Variants in PTPRD observed in about 807,000 individuals in gnomAD.
The protein encoded by PTPRD is protein tyrosine phosphatase receptor type D, also known as receptor-type tyrosine-protein phosphatase delta.
A neutral mutation model predicts 214.5 loss-of-function variants in PTPRD; 34 were observed. That is an observed-to-expected ratio of 0.16 (90% CI 0.12 to 0.21). The LOEUF is 0.21. Among genes scored for constraint, PTPRD ranks in the 10% least tolerant of loss-of-function variants. PTPRD has a pLI of 1.00. For missense variants in PTPRD, 2,545 were observed against 2,398.7 expected, an observed-to-expected ratio of 1.06 and a Z score of -1.27; for synonymous variants, 1,128 against 845.7, an observed-to-expected ratio of 1.33 and a Z score of -5.79.
intron 4 of PTPRD, among the ~76,000 whole-genome samples, chr9:9,982,863 A>C (rs931552398): frequency 6.6e-6 from 1 of 152,158 alleles, no homozygotes; most frequent in African/African-American, 2.4e-5. Flanking sequence ...CTTCCTCACA[A>C]ATCAAGCCTG....
intron 3 of PTPRD, among the ~76,000 whole-genome samples, chr9:10,049,899 G>T (rs1284679542): frequency 6.6e-6 from 1 of 152,076 alleles, no homozygotes; most frequent in African/African-American, 2.4e-5. Flanking sequence ...TTTCATTGTA[G>T]GGTAGCATGA....
rs147865207 is a variant in PTPRD, at chr9:8,399,320, A to G, written c.4210+5217T>C. On this transcript the variant is annotated intron_variant, in intron 36 of 45. Coordinates refer to ENST00000381196, the MANE Select transcript of PTPRD (RefSeq NM_002839.4). ...GAGAATGGGCTTGCAAAGAGATTGT[A>G]TATGCATGAACTTTCTGAAATTAGT... 1.7e-3 allele frequency among the ~76,000 whole-genome samples: 254 copies of G among 152,254 alleles called. 1 individual carries two copies. The highest frequency in any genetic ancestry group is 5.9e-3 in the African/African-American group (245 of 41,558).
chr9:9,663,033 CCTAT>C (rs1041250258), intron 7 of PTPRD, among the ~76,000 whole-genome samples: 39 of 151,550 alleles, frequency 2.6e-4, no homozygotes, highest in African/African-American at 9.4e-4. Flanking sequence ...CATTATGATT[CCTAT>C]CTAATTTTGA....
At chr9:10,012,373 C>T (rs1407063021) in intron 4 of PTPRD, among the ~76,000 whole-genome samples, 5 of 151,900 alleles carry the variant, frequency 3.3e-5, no homozygotes, top group African/African-American at 9.6e-5. Context: ...AAAAAAAAAT[C>T]GTGTTTTCCA....
chr9:9,439,104 T>C (rs7855246), intron 8 of PTPRD, among the ~76,000 whole-genome samples: 92,293 of 151,912 alleles, frequency 0.61, 28,122 homozygotes, highest in Middle Eastern at 0.67. Context: ...ATTCATAAAG[T>C]AGTATAAAGT....
chr9:9,354,743 TA>T (rs2053035203), intron 9 of PTPRD, among the ~76,000 whole-genome samples: 1 of 151,720 alleles, frequency 6.6e-6, no homozygotes, highest in Non-Finnish European at 1.5e-5. Context: ...AGGGATTAGG[TA>T]AGTAAGATAG....
chr9:9,512,753 A>C (rs548687593), intron 8 of PTPRD, among the ~76,000 whole-genome samples: 1 of 151,814 alleles, frequency 6.6e-6, no homozygotes, highest in South Asian at 2.1e-4. Context: ...CCACAGGGAT[A>C]ATTTGACTGG....
chr9:9,152,697 A>G (rs2099877875), intron 10 of PTPRD, among the ~76,000 whole-genome samples: 3 of 152,264 alleles, frequency 2.0e-5, no homozygotes, highest in Admixed American at 2.0e-4. Flanking sequence ...AAAGAGGCTG[A>G]TCTCATTTGT....
intron 14 of PTPRD, among the ~76,000 whole-genome samples, chr9:8,606,333 C>G (rs2095212190): frequency 6.6e-6 from 1 of 152,108 alleles, no homozygotes; most frequent in South Asian, 2.1e-4. Context: ...AGGAAGATCA[C>G]AGTCTAGTCC....
chr9:9,195,630 G>T (rs189638065), intron 9 of PTPRD, among the ~76,000 whole-genome samples: 2 of 151,568 alleles, frequency 1.3e-5, no homozygotes, highest in Non-Finnish European at 2.9e-5. Context: ...CATTTGAATG[G>T]AGCATTCGCT....
intron 11 of PTPRD, among the ~76,000 whole-genome samples, chr9:8,912,468 CAGAAAA>C (rs1224249089): frequency 6.6e-6 from 1 of 152,044 alleles, no homozygotes; most frequent in Admixed American, 6.6e-5. Flanking sequence ...CCTACGGAGA[CAGAAAA>C]CAGATCTGAG....
At chr9:9,414,069 A>T (rs2076300957) in intron 8 of PTPRD, among the ~76,000 whole-genome samples, 1 of 152,248 alleles carries the variant, frequency 6.6e-6, no homozygotes, top group Non-Finnish European at 1.5e-5. Flanking sequence ...CTATTATTTA[A>T]AACAACGTTT....
At chr9:9,417,047 A>T (rs1472004510) in intron 8 of PTPRD, among the ~76,000 whole-genome samples, 2 of 152,132 alleles carry the variant, frequency 1.3e-5, no homozygotes, top group Non-Finnish European at 2.9e-5. Flanking sequence ...AAACCTGGAT[A>T]TACTGCTTCC....
chr9:10,349,117 G>A (rs920324452), intron 2 of PTPRD, among the ~76,000 whole-genome samples: 2 of 151,942 alleles, frequency 1.3e-5, no homozygotes, highest in Non-Finnish European at 2.9e-5. Flanking sequence ...TCACTGAGCA[G>A]GACGAAGCCA....
chr9:8,796,188 T>C (rs536162425), intron 11 of PTPRD, among the ~76,000 whole-genome samples: 52 of 152,290 alleles, frequency 3.4e-4, no homozygotes, highest in Admixed American at 2.6e-3. Context: ...TAAAAACATA[T>C]AGATGAAGGG....
intron 10 of PTPRD, among the ~76,000 whole-genome samples, chr9:9,142,270 A>G (rs535191113): frequency 6.6e-6 from 1 of 152,348 alleles, no homozygotes; most frequent in Admixed American, 6.5e-5. Context: ...CTCCCTCCTG[A>G]GAGGCCCAGT....
intron 12 of PTPRD, among the ~76,000 whole-genome samples, chr9:8,657,458 C>G (rs576283384): frequency 6.6e-6 from 1 of 152,032 alleles, no homozygotes; most frequent in Non-Finnish European, 1.5e-5. Flanking sequence ...CGTGAGCCAC[C>G]GTGCCCGGCC....
At chr9:8,615,005 C>G (rs2154294225) in intron 14 of PTPRD, among the ~76,000 whole-genome samples, 1 of 152,256 alleles carries the variant, frequency 6.6e-6, no homozygotes, top group East Asian at 1.9e-4. Flanking sequence ...CCTGCTAATT[C>G]TTTCTCCATC....
chr9:8,991,455 T>C (rs749101460), intron 11 of PTPRD, among the ~76,000 whole-genome samples: 1 of 152,102 alleles, frequency 6.6e-6, no homozygotes, highest in East Asian at 1.9e-4. Context: ...TTGCCTTATT[T>C]AATTTCCGTT....
Sources: allele counts gnomAD v4.1 joint callset (sites outside exome capture counted in the v4.1 genomes callset), GRCh38; gene constraint gnomAD v4.1.1; transcripts MANE v1.5; gene names NCBI Gene and HGNC (gene_info 2026-07-23, HGNC 2026-07-21).